Variants in BMPER observed in about 807,000 individuals in gnomAD.
BMPER encodes the protein BMP-binding endothelial regulator protein.
A neutral mutation model predicts 87.3 loss-of-function variants in BMPER; 45 were observed. That is an observed-to-expected ratio of 0.52 (90% CI 0.41 to 0.66). The LOEUF (loss-of-function observed/expected upper bound fraction) is 0.66. Ranked by LOEUF, BMPER falls within the 30% of genes least tolerant of loss-of-function variation. The probability of loss-of-function intolerance (pLI) is 0.00; values close to 1 mark genes in which losing one functional copy is unlikely to be tolerated. For missense variants in BMPER, 784 were observed against 867.5 expected (o/e 0.90, Z 1.21); for synonymous variants, 326 against 316.2 (o/e 1.03, Z -0.33).
chr7:34,103,921 A>T (rs1789751074), intron 13 of BMPER, among the ~76,000 whole-genome samples: 1 of 151,944 alleles, frequency 6.6e-6, no homozygotes, highest in Non-Finnish European at 1.5e-5. Context: ...GCACTTAGTG[A>T]CTCTCTTTAT....
At chr7:34,135,257 T>A (rs1274150763) in intron 13 of BMPER, among the ~76,000 whole-genome samples, 1 of 152,098 alleles carries the variant, frequency 6.6e-6, no homozygotes, top group Non-Finnish European at 1.5e-5. Flanking sequence ...TGGATTTTTG[T>A]TCTTGACAAG....
rs78523277 is a variant in BMPER, at chr7:33,912,070, G to A, written c.219+5167G>A. ...TCCTTATTGGTCCAGTGATCCCAGT[G>A]ATCTTTGGGCCCTGGTGTAAGTTTT... On this transcript the variant is annotated intron_variant, in intron 2 of 14. Coordinates refer to ENST00000649409, the MANE Select transcript of BMPER (RefSeq NM_001365308.1). Among the ~76,000 whole-genome samples the A allele has an allele frequency of 3.3e-5, 5 of 152,242 alleles. No homozygotes were observed. In the East Asian group the frequency reaches 9.7e-4, roughly 29 times the overall value.
intron 12 of BMPER, among the ~76,000 whole-genome samples, chr7:34,081,917 G>A (rs932258435): frequency 2.0e-4 from 30 of 151,638 alleles, no homozygotes; most frequent in African/African-American, 7.0e-4. Flanking sequence ...AACAGCAAAA[G>A]CAACAATAAC....
chr7:34,105,387 A>G (rs7799825), intron 13 of BMPER, among the ~76,000 whole-genome samples: 1 of 152,182 alleles, frequency 6.6e-6, no homozygotes, highest in Non-Finnish European at 1.5e-5. Context: ...GACAGGTTCA[A>G]TTTGGGTTTT....
At chr7:33,912,415 A>G (rs1783988048) in intron 2 of BMPER, among the ~76,000 whole-genome samples, 1 of 152,152 alleles carries the variant, frequency 6.6e-6, no homozygotes, top group Non-Finnish European at 1.5e-5. Flanking sequence ...CCCATTTCAA[A>G]CACTGTTTAT....
At chr7:34,075,270 C>A (rs1788834219) in intron 11 of BMPER, among the ~76,000 whole-genome samples, 1 of 152,064 alleles carries the variant, frequency 6.6e-6, no homozygotes, top group African/African-American at 2.4e-5. Context: ...ATTTTTTAAA[C>A]TTTTAAAGCA....
Position 34,154,581 on chromosome 7 carries a change from TTTAGTTA to T in BMPER, c.*1310_*1316del, listed in dbSNP as rs1416383775. The T allele has an allele frequency of 6.6e-6, 1 of 152,236 alleles. No individual in the cohort carries two copies. The highest frequency in any genetic ancestry group is 2.4e-5 in the African/African-American group (1 of 41,458). The allele number at this position is 152,236 out of a possible 1,614,324, so 9.4% of individuals were successfully genotyped here. The stretch of plus-strand genomic sequence containing the variant: ...GATTCATTAAATTTTAACAGCTGTA[TTTAGTTA>T]TAATTTTTGTATCTTACAACAGTAT... On this transcript the variant is annotated 3_prime_UTR_variant, in exon 15 of 15. Transcript: ENST00000649409.
At chr7:34,088,674 C>T (rs953605463) in intron 13 of BMPER, among the ~76,000 whole-genome samples, 9 of 152,174 alleles carry the variant, frequency 5.9e-5, no homozygotes, top group Non-Finnish European at 1.2e-4. Context: ...GGCAGGATTG[C>T]TCCTCTGAGG....
chr7:33,938,520 G>A (rs111897996), intron 3 of BMPER, among the ~76,000 whole-genome samples: 3 of 152,234 alleles, frequency 2.0e-5, no homozygotes, highest in Non-Finnish European at 2.9e-5. Flanking sequence ...GCCCAGGGCC[G>A]CCAGGATCTA....
chr7:33,936,356 C>G (rs1784602763), intron 2 of BMPER, among the ~76,000 whole-genome samples: 1 of 152,150 alleles, frequency 6.6e-6, no homozygotes, highest in South Asian at 2.1e-4. Context: ...ATATCTTCAT[C>G]TCGAGTTCCA....
chr7:34,138,595 G>C (rs1176285189), intron 13 of BMPER, among the ~76,000 whole-genome samples: 2 of 152,208 alleles, frequency 1.3e-5, no homozygotes, highest in African/African-American at 4.8e-5. Context: ...TGGGGCAGAT[G>C]AATCAGGAAA....
chr7:34,147,473 G>T (rs893970815), intron 14 of BMPER, among the ~76,000 whole-genome samples: 38 of 152,008 alleles, frequency 2.5e-4, no homozygotes, highest in South Asian at 8.3e-4. Context: ...TGTTTTTTTT[G>T]TTTGTTTGTT....
chr7:34,112,003 A>G (rs990019730), intron 13 of BMPER, among the ~76,000 whole-genome samples: 7 of 152,218 alleles, frequency 4.6e-5, no homozygotes, highest in Non-Finnish European at 1.0e-4. Flanking sequence ...ATCTTGTATT[A>G]TCTAAATGGT....
intron 6 of BMPER, among the ~76,000 whole-genome samples, chr7:34,009,854 A>G (rs1001203876): frequency 1.3e-5 from 2 of 151,936 alleles, no homozygotes; most frequent in South Asian, 2.1e-4. Context: ...CTAGGCTTGT[A>G]CTGTGATTCT....
At chr7:33,914,154 A>G (rs1189717111) in intron 2 of BMPER, among the ~76,000 whole-genome samples, 1 of 151,610 alleles carries the variant, frequency 6.6e-6, no homozygotes, top group African/African-American at 2.4e-5. Flanking sequence ...TTTAGTAGAG[A>G]CGGGGTTTCA....
At chr7:34,066,324 G>A (rs1788590645) in intron 11 of BMPER, among the ~76,000 whole-genome samples, 1 of 152,154 alleles carries the variant, frequency 6.6e-6, no homozygotes, top group Non-Finnish European at 1.5e-5. Flanking sequence ...CTCAAAATAG[G>A]AGAACAAAAG....
chr7:33,916,165 G>A (rs1784083427), intron 2 of BMPER, among the ~76,000 whole-genome samples: 2 of 152,216 alleles, frequency 1.3e-5, no homozygotes, highest in African/African-American at 4.8e-5. Flanking sequence ...GACAATGGAA[G>A]GTCAGAAGAG....
At chr7:34,120,438 GC>G (rs1317217060) in intron 13 of BMPER, among the ~76,000 whole-genome samples, 1 of 149,390 alleles carries the variant, frequency 6.7e-6, no homozygotes, top group Non-Finnish European at 1.5e-5. Flanking sequence ...TGCTCTCGTT[GC>G]CCAGACTGGA....
chr7:34,095,287 G>C lies in BMPER; in HGVS notation c.1745+9195G>C, dbSNP rs140420499. On this transcript the variant is annotated intron_variant, in intron 13 of 14. Transcript: ENST00000649409. Reference sequence around the variant, plus strand: ...GGGTAGAATTCAGGCTGTAGGAAAAGAAGAAATACATGACAAATTTTAACT... The same window carrying C: ...GGGTAGAATTCAGGCTGTAGGAAAACAAGAAATACATGACAAATTTTAACT... Among the ~76,000 whole-genome samples the C allele has an allele frequency of 5.5e-3, 833 of 152,270 alleles. 5 individuals are homozygous for C. The highest frequency in any genetic ancestry group is 0.019 in the African/African-American group (800 of 41,556).
Sources: allele counts gnomAD v4.1 joint callset (sites outside exome capture counted in the v4.1 genomes callset), GRCh38; gene constraint gnomAD v4.1.1; transcripts MANE v1.5; gene names NCBI Gene and HGNC (gene_info 2026-07-23, HGNC 2026-07-21).